The following ACAD9 variants were observed in gnomAD, a reference collection of about 807,000 sequenced individuals.
ACAD9 encodes the protein complex I assembly factor ACAD9, mitochondrial.
ACAD9 carries 53 observed loss-of-function variants against 70.2 expected under a neutral mutation model. That is an observed-to-expected ratio of 0.75 (90% CI 0.61 to 0.95). ACAD9 has a LOEUF of 0.95. ACAD9 is among the 40% of genes least tolerant of loss of function. The probability of loss-of-function intolerance (pLI) is 0.00; values close to 1 mark genes in which losing one functional copy is unlikely to be tolerated. For synonymous variants in ACAD9, 313 were observed against 312.1 expected (o/e 1.00, Z -0.03); for missense variants, 777 against 802.8 (o/e 0.97, Z 0.39).
chr3:128,899,137 A>G (rs1935655834), intron 6 of ACAD9, 150 bp from the exon 7 acceptor site: 1 of 740,910 alleles, frequency 1.3e-6, no homozygotes, highest in South Asian at 1.8e-5. Context: ...TCCTCTATTC[A>G]CTCATGCTTG....
chr3:128,899,807 T>C (rs1935684265), intron 7 of ACAD9, among the ~76,000 whole-genome samples: 1 of 152,172 alleles, frequency 6.6e-6, no homozygotes, highest in Admixed American at 6.5e-5. Flanking sequence ...TGTCTCAGTC[T>C]GCAGTGCCTG....
At chr3:128,907,695 A>C (rs1308733012) in intron 12 of ACAD9, among the ~76,000 whole-genome samples, 1 of 152,150 alleles carries the variant, frequency 6.6e-6, no homozygotes. Context: ...CCTCTCACTG[A>C]TCAGAATCAT....
chr3:128,904,651 T>A, intron 11 of ACAD9, 146 bp downstream of exon 11: 2 of 1,367,522 alleles, frequency 1.5e-6, no homozygotes, highest in Non-Finnish European at 2.0e-6. Flanking sequence ...TGTGTAGCAC[T>A]CCAGGGATAG....
rs1057523761 is a variant in ACAD9, at chr3:128,912,573, A to G, written c.1832A>G (p.Tyr611Cys). The G allele has an allele frequency of 8.1e-6, 13 of 1,614,048 alleles. No individual in the cohort carries two copies. Among genetic ancestry groups the G allele is most frequent in the Admixed American group, 1.7e-5 (1 of 60,004 alleles). ...CAGCAGATCCTTGAGAAGCGAGCCT[A>G]TATCTGTGCCCACCCTCTGGACAGG... ...VSQQILEKRA[Y>C]ICAHPLDRTC The change falls in exon 18 of 18, where the codon TAT (tyrosine) becomes TGT (cysteine). Residue 611 changes from tyrosine to cysteine, a missense_variant. Tyr to Cys is a radical substitution (Grantham distance 194). Coordinates refer to ENST00000308982, the MANE Select transcript of ACAD9 (RefSeq NM_014049.5).
At chr3:128,906,710 A>G (rs1455087442) in intron 12 of ACAD9, among the ~76,000 whole-genome samples, 1 of 152,120 alleles carries the variant, frequency 6.6e-6, no homozygotes, top group Non-Finnish European at 1.5e-5. Context: ...CCCAGATGGG[A>G]CTGATCTGCT....
At position 128,897,724 on chromosome 3, in the gene ACAD9, C is replaced by T; in HGVS notation, c.633+14C>T. ...AATGGCTCCAAGGTAGGGTTCCTTC[C>T]CCATGGCCACATTAGGGTCTCAGTC... On this transcript the variant is annotated intron_variant, in intron 6 of 17. Transcript: ENST00000308982. The T allele has an allele frequency of 6.2e-7, 1 of 1,611,034 alleles. No individual in the cohort carries two copies. Among genetic ancestry groups the T allele is most frequent in the Non-Finnish European group, 8.5e-7 (1 of 1,178,372 alleles).
Position 128,902,534 on chromosome 3 carries a change from C to G in ACAD9, c.883-19C>G, listed in dbSNP as rs772911833. On this transcript the variant is annotated intron_variant, in intron 8 of 17. Transcript: ENST00000308982. The surrounding 1 kb of genome is among the most constrained non-coding windows in gnomAD (Gnocchi z 4.0). ...CTGCCTCCTTCAGGGCCCCTGGGCTCTCCCTGTTCTCCCTGCAGGTGGCCA... is the reference window on the plus strand; with the variant it reads ...CTGCCTCCTTCAGGGCCCCTGGGCTGTCCCTGTTCTCCCTGCAGGTGGCCA... The G allele has an allele frequency of 6.2e-7, 1 of 1,614,094 alleles. No homozygotes were observed. Among genetic ancestry groups the G allele is most frequent in the Non-Finnish European group, 8.5e-7 (1 of 1,179,914 alleles).
rs1451227667 is a variant in ACAD9, at chr3:128,909,340, A to G, written c.1486-4A>G. On this transcript the variant is annotated splice_region_variant and splice_polypyrimidine_tract_variant and intron_variant, in intron 14 of 17. Transcript: ENST00000308982. Reference sequence around the variant, plus strand: ...GCTGAACTGAGTCCTGTCTTGGTTAATAGGACAGTGCCAACAAGTTTGAGG... The same window carrying G: ...GCTGAACTGAGTCCTGTCTTGGTTAGTAGGACAGTGCCAACAAGTTTGAGG... 11 of 1,614,044 alleles carry G rather than the reference A, an allele frequency of 6.8e-6. No homozygotes were observed. Among genetic ancestry groups the G allele is most frequent in the South Asian group, 1.1e-5 (1 of 91,086 alleles).
chr3:128,890,507 C>T (rs1437324125), intron 2 of ACAD9, among the ~76,000 whole-genome samples: 2 of 152,010 alleles, frequency 1.3e-5, no homozygotes, highest in African/African-American at 4.8e-5. Context: ...TCGACACCAT[C>T]CTGGCTAACA....
chr3:128,887,381 A>T (rs1300638742), intron 2 of ACAD9, among the ~76,000 whole-genome samples: 2 of 152,066 alleles, frequency 1.3e-5, no homozygotes, highest in Admixed American at 1.3e-4. Context: ...TGAGGGGGGC[A>T]GATTGCTTGA....
chr3:128,911,765 C>G (rs957211961), intron 17 of ACAD9, among the ~76,000 whole-genome samples: 4 of 152,200 alleles, frequency 2.6e-5, no homozygotes, highest in African/African-American at 7.2e-5. Flanking sequence ...TGAAGCTGCC[C>G]GGGGAAGGCT....
rs146077779 is a variant in ACAD9 at position 128,894,227 on chromosome 3, A to G, written c.346+571A>G. ...ATAAAGGCCAAGGATGCTGCTAAGC[A>G]TCTGACAATCCACAGGACAGACCCC... On this transcript the variant is annotated intron_variant, in intron 3 of 17. Transcript: ENST00000308982. Among the ~76,000 whole-genome samples the G allele has an allele frequency of 7.7e-4, 117 of 152,334 alleles. 1 individual carries two copies. In the East Asian group the frequency reaches 0.021, roughly 27 times the overall value.
chr3:128,883,025 G>C (rs1341216402), intron 1 of ACAD9, among the ~76,000 whole-genome samples: 1 of 151,728 alleles, frequency 6.6e-6, no homozygotes, highest in African/African-American at 2.4e-5. Context: ...CAGTGAAGGA[G>C]ACTGAGCTTT....
At chr3:128,909,266 G>C in intron 14 of ACAD9, 78 bp from the exon 15 acceptor site, 1 of 1,601,864 alleles carries the variant, frequency 6.2e-7, no homozygotes, top group East Asian at 2.2e-5. Flanking sequence ...GGGCATCTCT[G>C]CCTGGTACCC....
chr3:128,882,584 C>T (rs1307819767), intron 1 of ACAD9, among the ~76,000 whole-genome samples: 1 of 152,108 alleles, frequency 6.6e-6, no homozygotes, highest in East Asian at 1.9e-4. Context: ...GTCACCCTGC[C>T]CTAAGCTGGA....
chr3:128,886,699 ACT>A lies in ACAD9; in HGVS notation c.244+1956_244+1957del, dbSNP rs1157859691. 3.3e-5 allele frequency among the ~76,000 whole-genome samples: 5 copies of A among 151,164 alleles called. No individual in the cohort carries two copies. In the East Asian group the frequency reaches 7.9e-4, roughly 24 times the overall value. On this transcript the variant is annotated intron_variant, in intron 2 of 17. Transcript: ENST00000308982. ...CTCCAGCATGGGCAATAAGAGTGAA[ACT>A]CTGTCTCAAAAAGAAAAAAAAAAGA...
intron 2 of ACAD9, among the ~76,000 whole-genome samples, chr3:128,889,776 G>C (rs951576345): frequency 6.6e-6 from 1 of 152,096 alleles, no homozygotes; most frequent in Non-Finnish European, 1.5e-5. Context: ...TATGTATCCA[G>C]ATTTTAGCTA....
intron 1 of ACAD9, among the ~76,000 whole-genome samples, chr3:128,880,671 G>A (rs1935064166): frequency 6.6e-6 from 1 of 152,096 alleles, no homozygotes; most frequent in African/African-American, 2.4e-5. Flanking sequence ...ACAGGGGTGA[G>A]CCACCGCGCC....
rs1559825425 is a variant in ACAD9 at position 128,899,271 on chromosome 3, A to G, written c.634-16A>G. 1.9e-6 allele frequency: 3 copies of G among 1,614,100 alleles called. No homozygotes were observed. The South Asian group carries it at 3.3e-5, about 18-fold the overall frequency. On this transcript the variant is annotated splice_polypyrimidine_tract_variant and intron_variant, in intron 6 of 17. Transcript: ENST00000308982. ...AGGGGTTTGGTTTTCTCCAAAGTCC[A>G]TCTTTCTGTCCTCAGGTCTGGATTA...
Sources: allele counts gnomAD v4.1 joint callset (sites outside exome capture counted in the v4.1 genomes callset), GRCh38; gene constraint gnomAD v4.1.1; non-coding constraint Gnocchi (gnomAD v3.1); transcripts MANE v1.5; gene names NCBI Gene and HGNC (gene_info 2026-07-23, HGNC 2026-07-21).